The following GPR160 variants were observed in gnomAD, a reference collection of about 807,000 sequenced individuals.
The protein encoded by GPR160 is probable G protein-coupled receptor 160.
In GPR160, 2 loss-of-function variants were observed where a neutral mutation model predicts 2.6. The observed-to-expected ratio is 0.77, with a 90% CI of 0.32 to 2.44. The LOEUF is 2.44. Among genes scored for constraint, GPR160 ranks in the 30% most tolerant of loss-of-function variants. GPR160 has a pLI of 0.11. For missense variants in GPR160, 351 were observed against 383.6 expected, an observed-to-expected ratio of 0.91 and a Z score of 0.71; for synonymous variants, 130 against 132.2, an observed-to-expected ratio of 0.98 and a Z score of 0.12.
intron 2 of GPR160, among the ~76,000 whole-genome samples, chr3:170,079,111 TC>T (rs1713005529): frequency 6.6e-6 from 1 of 152,252 alleles, no homozygotes; most frequent in Admixed American, 6.5e-5. Flanking sequence ...CTGTGTTTGC[TC>T]CAGGCTTTCG....
intron 2 of GPR160, among the ~76,000 whole-genome samples, chr3:170,063,650 C>T (rs1001013379): frequency 7.3e-5 from 11 of 149,856 alleles, no homozygotes; most frequent in Non-Finnish European, 1.0e-4. Flanking sequence ...AGAGCTGGGA[C>T]GTGTCCCCCA....
At position 170,084,048 on chromosome 3, in the gene GPR160, T is replaced by C. The variant is rs1297664409; in HGVS notation, c.76T>C (p.Tyr26His). The change falls in exon 4 of 4, where the codon TAT (tyrosine) becomes CAT (histidine). Residue 26 changes from tyrosine to histidine, a missense_variant. By Grantham distance (83) the Tyr-to-His change is moderately conservative. Coordinates refer to ENST00000355897, the MANE Select transcript of GPR160 (RefSeq NM_014373.3). ...AACAAACCAGCCCCTAGATGTTAAC[T>C]ATCTGCTATTCTTGATCATACTTGG... ...RQTNQPLDVN[Y>H]LLFLIILGKI... The C allele has an allele frequency of 3.2e-6, 5 of 1,583,254 alleles. No homozygotes were observed. In the Admixed American group the frequency reaches 7.3e-5, roughly 23 times the overall value.
intron 2 of GPR160, among the ~76,000 whole-genome samples, chr3:170,068,463 C>T (rs1381017597): frequency 1.3e-5 from 2 of 152,094 alleles, no homozygotes; most frequent in African/African-American, 4.8e-5. Flanking sequence ...CTCATTATTG[C>T]CTTTTCTTGA....
chr3:170,042,782 G>T (rs999444357), intron 2 of GPR160, among the ~76,000 whole-genome samples: 1 of 144,064 alleles, frequency 6.9e-6, no homozygotes, highest in African/African-American at 2.6e-5. Context: ...AGCTATGTTT[G>T]CACCATTGCA....
chr3:170,063,048 C>G (rs764960292), intron 2 of GPR160: 10 of 175,092 alleles, frequency 5.7e-5, no homozygotes, highest in Non-Finnish European at 9.6e-5. Flanking sequence ...GAGACTCCAG[C>G]TCAAAATAAG....
At chr3:170,039,636 G>T (rs1716362142) in intron 2 of GPR160, among the ~76,000 whole-genome samples, 1 of 152,202 alleles carries the variant, frequency 6.6e-6, no homozygotes, top group Non-Finnish European at 1.5e-5. Flanking sequence ...TTGAACCCGG[G>T]AGGCGGAGGT....
chr3:170,078,844 A>G (rs779857958), intron 2 of GPR160, among the ~76,000 whole-genome samples: 2 of 152,206 alleles, frequency 1.3e-5, no homozygotes, highest in Non-Finnish European at 2.9e-5. Context: ...TAGATCAGTC[A>G]GAGTGGTGGG....
intron 2 of GPR160, among the ~76,000 whole-genome samples, chr3:170,060,938 G>A (rs143395208): frequency 2.0e-5 from 3 of 152,186 alleles, no homozygotes; most frequent in East Asian, 1.9e-4. Flanking sequence ...GACAAATCGA[G>A]ATTATGTGAT....
chr3:170,075,210 A>C (rs1466553728), intron 2 of GPR160, among the ~76,000 whole-genome samples: 1 of 152,232 alleles, frequency 6.6e-6, no homozygotes, highest in East Asian at 1.9e-4. Flanking sequence ...CCTGGGCAAC[A>C]AGAGCGAAAC....
intron 2 of GPR160, among the ~76,000 whole-genome samples, chr3:170,076,252 T>C (rs1199208012): frequency 6.6e-6 from 1 of 152,144 alleles, no homozygotes; most frequent in African/African-American, 2.4e-5. Context: ...ATCACCTATT[T>C]TTAAAAATAA....
intron 2 of GPR160, among the ~76,000 whole-genome samples, chr3:170,055,381 G>A (rs1711585262): frequency 1.3e-5 from 2 of 152,314 alleles, no homozygotes; most frequent in South Asian, 4.1e-4. Context: ...ATGAATAACC[G>A]TGGTTTCAGA....
intron 2 of GPR160, among the ~76,000 whole-genome samples, chr3:170,076,895 A>T (rs1712880060): frequency 6.6e-6 from 1 of 152,126 alleles, no homozygotes; most frequent in Non-Finnish European, 1.5e-5. Flanking sequence ...CTACATTTCC[A>T]GTGAGTTAAG....
intron 3 of GPR160, among the ~76,000 whole-genome samples, chr3:170,080,183 A>G (rs1713053069): frequency 6.6e-6 from 1 of 152,200 alleles, no homozygotes; most frequent in Non-Finnish European, 1.5e-5. Flanking sequence ...AAATTCAGGT[A>G]GCTTATCAAA....
intron 2 of GPR160, among the ~76,000 whole-genome samples, chr3:170,070,714 GA>G: frequency 6.6e-6 from 1 of 152,248 alleles, no homozygotes; most frequent in Admixed American, 6.5e-5. Context: ...ATTCATTTTA[GA>G]ATCTGGTAAA....
At chr3:170,047,835 C>CTT (rs1225615379) in intron 2 of GPR160, among the ~76,000 whole-genome samples, 5,310 of 125,024 alleles carry the variant, frequency 0.042, 486 homozygotes, top group African/African-American at 0.15. Context: ...GGACATTATT[C>CTT]TTTTTTTTTT....
chr3:170,062,683 C>A, intron 2 of GPR160: 1 of 1,434,650 alleles, frequency 7.0e-7, no homozygotes. Flanking sequence ...AATAGCCCAT[C>A]AAGGGCAAAC....
chr3:170,072,644 G>A (rs1712657048), intron 2 of GPR160, among the ~76,000 whole-genome samples: 1 of 152,082 alleles, frequency 6.6e-6, no homozygotes. Context: ...TGGTGAGACA[G>A]GGAGCAATGG....
intron 2 of GPR160, among the ~76,000 whole-genome samples, chr3:170,046,053 G>A (rs1716707508): frequency 6.6e-6 from 1 of 152,176 alleles, no homozygotes; most frequent in Non-Finnish European, 1.5e-5. Context: ...TGTTGTTAGA[G>A]CCCTGCTTCC....
chr3:170,075,932 C>A (rs1712828210), intron 2 of GPR160, among the ~76,000 whole-genome samples: 1 of 152,114 alleles, frequency 6.6e-6, no homozygotes, highest in African/African-American at 2.4e-5. Flanking sequence ...ACTGATAATT[C>A]TTGGTTATGT....
Sources: gnomAD v4.1 joint callset for allele counts (sites outside exome capture counted in the v4.1 genomes callset) on GRCh38, gnomAD v4.1.1 for gene constraint, MANE v1.5 for transcripts, NCBI Gene and HGNC (gene_info 2026-07-23, HGNC 2026-07-21) for gene names.